The following PARVB variants were observed in gnomAD, a reference collection of about 807,000 sequenced individuals.
PARVB encodes parvin beta, also known as beta-parvin.
Under a neutral mutation model 47.0 loss-of-function variants are expected in PARVB, and 46 were observed. The ratio of observed to expected loss-of-function variants is 0.98; its 90% CI spans 0.77 to 1.25. PARVB has a LOEUF of 1.25. Ranked by LOEUF, PARVB falls within the 50% of genes most tolerant of loss-of-function variation. The probability of loss-of-function intolerance (pLI) is 0.00; values close to 1 mark genes in which losing one functional copy is unlikely to be tolerated. For synonymous variants in PARVB, 196 were observed against 196.3 expected (o/e 1.00, Z 0.01); for missense variants, 473 against 471.6 (o/e 1.00, Z -0.03).
intron 1 of PARVB, among the ~76,000 whole-genome samples, chr22:44,028,678 G>A (rs1187386622): frequency 2.6e-5 from 4 of 152,184 alleles, no homozygotes; most frequent in African/African-American, 7.2e-5. Flanking sequence ...TGGATCGTAT[G>A]GTAAGAGTGT....
chr22:44,117,664 G>C (rs1415793319), intron 3 of PARVB, among the ~76,000 whole-genome samples: 1 of 152,170 alleles, frequency 6.6e-6, no homozygotes, highest in African/African-American at 2.4e-5. Flanking sequence ...TATGTTACTG[G>C]GAAAATAGAA....
intron 11 of PARVB, 32 bp downstream of exon 11, chr22:44,158,115 C>T: frequency 7.1e-7 from 1 of 1,398,954 alleles, no homozygotes; most frequent in Non-Finnish European, 1.0e-6. Flanking sequence ...TTGGTAGGGG[C>T]TCAAGAAATG....
chr22:44,024,280 C>T, upstream of PARVB: 1 of 958,940 alleles, frequency 1.0e-6, no homozygotes, highest in Non-Finnish European at 1.2e-6. Flanking sequence ...TCGGCCTCTC[C>T]CCGGGGCGAC....
intron 4 of PARVB, among the ~76,000 whole-genome samples, chr22:44,121,348 A>G (rs1220209344): frequency 6.6e-6 from 1 of 152,006 alleles, no homozygotes; most frequent in African/African-American, 2.4e-5. Context: ...AGACTCTGGG[A>G]CTTTGTGAAC....
chr22:44,164,580 T>G (rs1173575986), intron 12 of PARVB, among the ~76,000 whole-genome samples: 1 of 152,172 alleles, frequency 6.6e-6, no homozygotes, highest in Non-Finnish European at 1.5e-5. Context: ...GAGCTGAACA[T>G]TAAAGGCTTT....
intron 1 of PARVB, among the ~76,000 whole-genome samples, chr22:44,074,194 C>T (rs1420829709): frequency 2.0e-5 from 3 of 152,186 alleles, no homozygotes; most frequent in Non-Finnish European, 4.4e-5. Flanking sequence ...GGCCAAGGCT[C>T]CCAGCAGAGA....
chr22:44,145,837 T>C (rs1230326186), intron 8 of PARVB: 1 of 152,184 alleles, frequency 6.6e-6, no homozygotes, highest in African/African-American at 2.4e-5. Context: ...ACTCTTCTGC[T>C]CCTGGGGTTT....
chr22:44,048,245 C>T (rs370904458), intron 1 of PARVB, among the ~76,000 whole-genome samples: 1 of 152,144 alleles, frequency 6.6e-6, no homozygotes, highest in Non-Finnish European at 1.5e-5. Context: ...GCACTTGTCT[C>T]GTTGAGCAAA....
intron 1 of PARVB, among the ~76,000 whole-genome samples, chr22:44,033,746 A>G (rs955958333): frequency 4.6e-5 from 7 of 152,238 alleles, no homozygotes; most frequent in East Asian, 3.8e-4. Flanking sequence ...GAAAAATTAC[A>G]GTTCCACAGG....
intron 5 of PARVB, 150 bp downstream of exon 5, chr22:44,131,777 A>T (rs1366630653): frequency 3.6e-6 from 3 of 824,484 alleles, no homozygotes; most frequent in Non-Finnish European, 5.6e-6. Flanking sequence ...TAAGAGGTAG[A>T]ACATTGCAGG....
chr22:44,041,810 G>A (rs1473984045), intron 1 of PARVB, among the ~76,000 whole-genome samples: 1 of 152,108 alleles, frequency 6.6e-6, no homozygotes, highest in Non-Finnish European at 1.5e-5. Flanking sequence ...GCTTGAGCAT[G>A]GAAGGCTGAG....
chr22:44,070,117 T>G (rs1287971122), intron 1 of PARVB, among the ~76,000 whole-genome samples: 1 of 152,242 alleles, frequency 6.6e-6, no homozygotes, highest in Non-Finnish European at 1.5e-5. Context: ...TCCCAGGGAC[T>G]ATCCCAGCTC....
intron 9 of PARVB, 81 bp from the exon 10 acceptor site, chr22:44,151,402 G>A (rs2053805012): frequency 4.9e-6 from 5 of 1,023,022 alleles, no homozygotes; most frequent in Middle Eastern, 2.1e-4. Context: ...AGCTGGGGCT[G>A]GCAAATGTCA....
intron 4 of PARVB, among the ~76,000 whole-genome samples, chr22:44,124,414 G>A (rs1164184566): frequency 6.6e-6 from 1 of 152,194 alleles, no homozygotes; most frequent in Non-Finnish European, 1.5e-5. Flanking sequence ...TCTCTCTGGG[G>A]TTTCTTTTCT....
chr22:44,011,103 C>T (rs891049839), intron 2 of PARVB, among the ~76,000 whole-genome samples: 1 of 151,936 alleles, frequency 6.6e-6, no homozygotes, highest in Admixed American at 6.6e-5. Context: ...CGATTACAGG[C>T]GTGAGCCACT....
intron 1 of PARVB, among the ~76,000 whole-genome samples, chr22:44,063,592 G>A (rs1014057112): frequency 6.6e-6 from 1 of 152,104 alleles, no homozygotes; most frequent in East Asian, 1.9e-4. Context: ...CGTCCTCAGC[G>A]TCGTGGTTTA....
intron 2 of PARVB, among the ~76,000 whole-genome samples, chr22:44,012,894 CTT>C (rs35313642): frequency 3.1e-4 from 46 of 148,178 alleles, no homozygotes; most frequent in African/African-American, 3.5e-4. Context: ...ATTTATTTAA[CTT>C]TTTTTTTTTT....
At chr22:44,126,359 G>T (rs188638895) in intron 4 of PARVB, among the ~76,000 whole-genome samples, 1 of 152,158 alleles carries the variant, frequency 6.6e-6, no homozygotes, top group Non-Finnish European at 1.5e-5. Flanking sequence ...TATTAAAAAC[G>T]TTAGTGGCCA....
chr22:44,095,468 C>T lies in PARVB; in HGVS notation c.202+1451C>T, dbSNP rs549806032. Among the ~76,000 whole-genome samples, 6 of 151,456 alleles carry T rather than the reference C, an allele frequency of 4.0e-5. No homozygotes were observed. In the East Asian group the frequency reaches 9.7e-4, roughly 24 times the overall value. ...GCAGTGAGCCGAGATCGCACCACTG[C>T]ACTCCAACCTGGGTGACAGAGCGAG... is the stretch of plus-strand genomic sequence containing the variant. On this transcript the variant is annotated intron_variant, in intron 2 of 12. Transcript: ENST00000338758.
Sources: allele counts gnomAD v4.1 joint callset (sites outside exome capture counted in the v4.1 genomes callset), GRCh38; gene constraint gnomAD v4.1.1; transcripts MANE v1.5; gene names NCBI Gene and HGNC (gene_info 2026-07-23, HGNC 2026-07-21).